Variants in CAPN13 observed in about 807,000 individuals in gnomAD.
CAPN13 encodes the protein calpain 13, also known as calpain-13.
A neutral mutation model predicts 98.4 loss-of-function variants in CAPN13; 90 were observed. The observed-to-expected ratio is 0.92, with a 90% CI of 0.77 to 1.09. CAPN13 has a LOEUF of 1.09. Among genes scored for constraint, CAPN13 ranks in the 50% least tolerant of loss-of-function variants. The probability of loss-of-function intolerance (pLI) is 0.00; values close to 1 mark genes in which losing one functional copy is unlikely to be tolerated. For missense variants in CAPN13, 887 were observed against 841.3 expected (o/e 1.05, Z -0.67); for synonymous variants, 330 against 305.5 (o/e 1.08, Z -0.84).
chr2:30,738,527 G>A (rs78810531), intron 15 of CAPN13, 70 bp from the exon 16 acceptor site: 106,933 of 1,469,788 alleles, frequency 0.073, 4,969 homozygotes, highest in African/African-American at 0.22. Context: ...TCTGCCTGCC[G>A]TGTAAAAGCA....
chr2:30,754,578 G>A lies in CAPN13; in HGVS notation c.867-214C>T, dbSNP rs552616589. Among the ~76,000 whole-genome samples the A allele has an allele frequency of 2.6e-5, 4 of 152,226 alleles. No homozygotes were observed. In the East Asian group the frequency reaches 7.7e-4, roughly 29 times the overall value. On this transcript the variant is annotated intron_variant, in intron 8 of 22. Transcript: ENST00000295055. ...TGGTCTTCTTTCCTGAAGTCCAGAT[G>A]GATTTATGCTGTAGTTCACCCCACA... is the stretch of plus-strand genomic sequence containing the variant.
chr2:30,727,480 T>C (rs1357795579), intron 22 of CAPN13, among the ~76,000 whole-genome samples: 1 of 152,104 alleles, frequency 6.6e-6, no homozygotes, highest in Non-Finnish European at 1.5e-5. Context: ...AAAATATAAG[T>C]AACCCAGCTT....
At chr2:30,800,599 G>T (rs923738254) in intron 1 of CAPN13, among the ~76,000 whole-genome samples, 6 of 152,182 alleles carry the variant, frequency 3.9e-5, no homozygotes, top group Non-Finnish European at 8.8e-5. Flanking sequence ...GGTTGGTCTC[G>T]CACTTCTAAG....
intron 8 of CAPN13, among the ~76,000 whole-genome samples, chr2:30,756,729 C>T (rs1290408854): frequency 6.6e-6 from 1 of 151,864 alleles, no homozygotes; most frequent in Non-Finnish European, 1.5e-5. Context: ...TTGGAAAGGG[C>T]AAAGGATACA....
In CAPN13 at chr2:30,732,504, C is replaced by T. The variant is rs757975134; in HGVS notation, c.1861G>A (p.Asp621Asn). 9.9e-6 allele frequency: 16 copies of T among 1,612,408 alleles called. No homozygotes were observed. Among genetic ancestry groups the T allele is most frequent in the East Asian group, 6.7e-5 (3 of 44,826 alleles). Residue 621 changes from aspartate (D) to asparagine (N), a missense_variant, in exon 20 of 23, where the codon GAC becomes AAC. Physicochemically the swap from Asp to Asn is conservative, Grantham distance 23 (BLOSUM62 1). Transcript: ENST00000295055. The part of the protein sequence containing the change: ...LLHLVTLRYS[D>N]SVGRVSFPSL... ...GGGAAGCTGACCCTGCCGACGCTGT[C>T]GCTGTACCTGAGGGTCACCAGATGC...
chr2:30,724,820 G>T (rs921641367), intron 22 of CAPN13, among the ~76,000 whole-genome samples: 1 of 152,032 alleles, frequency 6.6e-6, no homozygotes, highest in South Asian at 2.1e-4. Context: ...ATCTAGCCAG[G>T]TCTCTCGAAA....
intron 1 of CAPN13, among the ~76,000 whole-genome samples, chr2:30,802,229 G>T (rs555399802): frequency 2.0e-5 from 3 of 152,140 alleles, no homozygotes; most frequent in Middle Eastern, 3.4e-3. Flanking sequence ...GACTAAGGGA[G>T]CCATTCCCTT....
intron 5 of CAPN13, among the ~76,000 whole-genome samples, chr2:30,766,168 AG>A (rs1205403188): frequency 6.6e-6 from 1 of 152,244 alleles, no homozygotes; most frequent in African/African-American, 2.4e-5. Context: ...TGATACGCTC[AG>A]GGCGCCTTTC....
chr2:30,738,532 A>G, intron 15 of CAPN13, 75 bp from the exon 16 acceptor site: 2 of 1,464,644 alleles, frequency 1.4e-6, no homozygotes, highest in Non-Finnish European at 1.9e-6. Flanking sequence ...CTGCCGTGTA[A>G]AAGCACTCAG....
At chr2:30,730,583 T>C in intron 22 of CAPN13, 147 bp downstream of exon 22, 1 of 558,358 alleles carries the variant, frequency 1.8e-6, no homozygotes, top group Non-Finnish European at 3.2e-6. Flanking sequence ...TCAAGGGCCT[T>C]GAGCAGCTAA....
Position 30,754,306 on chromosome 2 carries a change from C to T in CAPN13, c.925G>A (p.Glu309Lys). Residue 309 changes from glutamate to lysine, a missense_variant, in exon 9 of 23, where the codon GAA (glutamate) becomes AAA (lysine). Transcript: ENST00000295055. ...PRKSQLHKKREDGEFWMSCQD... is the reference protein window; with the variant it reads ...PRKSQLHKKRKDGEFWMSCQD... Reference sequence around the variant, plus strand: ...GGTAAATACCAAAACTCGCCATCTTCCCGTTTCTTATGTAGCTGGCTTTTC... The same window carrying T: ...GGTAAATACCAAAACTCGCCATCTTTCCGTTTCTTATGTAGCTGGCTTTTC... 6.2e-7 allele frequency: 1 copy of T among 1,607,150 alleles called. No individual in the cohort carries two copies. Among genetic ancestry groups the T allele is most frequent in the Non-Finnish European group, 8.5e-7 (1 of 1,177,120 alleles).
intron 15 of CAPN13, among the ~76,000 whole-genome samples, chr2:30,740,886 T>A (rs1671618082): frequency 6.6e-6 from 1 of 152,206 alleles, no homozygotes. Context: ...GGGGCTAACC[T>A]TCATTCACTC....
rs145578840 is a variant in CAPN13, at chr2:30,745,873, A to G, written c.1237-139T>C. ...TCCTCTCTTTTAAAGAATTTATTTT[A>G]TATCTGTTATGCCATAAAGCATTTT... is the stretch of plus-strand genomic sequence containing the variant. On this transcript the variant is annotated intron_variant, in intron 11 of 22. Coordinates refer to ENST00000295055, the MANE Select transcript of CAPN13 (RefSeq NM_144575.3). 1.0e-3 allele frequency: 486 copies of G among 470,036 alleles called. 4 individuals are homozygous for G. Among genetic ancestry groups the G allele is most frequent in the African/African-American group, 9.6e-3 (420 of 43,676 alleles). The allele number at this position is 470,036 out of a possible 1,614,324, so 29.1% of individuals were successfully genotyped here. A position where few individuals can be genotyped will look rare whatever the true frequency, so the allele number is the denominator to read the frequency against.
intron 1 of CAPN13, among the ~76,000 whole-genome samples, chr2:30,801,176 A>C (rs1675247377): frequency 6.6e-6 from 1 of 152,262 alleles, no homozygotes; most frequent in East Asian, 1.9e-4. Context: ...TGAACCGCAG[A>C]AGGCTAGGTT....
intron 2 of CAPN13, among the ~76,000 whole-genome samples, chr2:30,779,723 C>T (rs1673891785): frequency 6.6e-6 from 1 of 151,584 alleles, no homozygotes; most frequent in Non-Finnish European, 1.5e-5. Context: ...AAGAAAAAGA[C>T]AAAAAGAGCC....
intron 5 of CAPN13, among the ~76,000 whole-genome samples, chr2:30,768,823 A>G (rs929531858): frequency 2.0e-5 from 3 of 152,102 alleles, no homozygotes; most frequent in Admixed American, 2.0e-4. Flanking sequence ...CAGAGTTTCC[A>G]TTTCCATAAA....
intron 1 of CAPN13, among the ~76,000 whole-genome samples, chr2:30,799,856 G>A (rs546179844): frequency 2.6e-5 from 4 of 152,194 alleles, no homozygotes; most frequent in East Asian, 1.9e-4. Context: ...GGCGGATCAC[G>A]AGGTCAGGAG....
chr2:30,790,661 C>G (rs978337023), intron 1 of CAPN13, among the ~76,000 whole-genome samples: 1 of 152,132 alleles, frequency 6.6e-6, no homozygotes, highest in Admixed American at 6.5e-5. Context: ...TACCACCAAC[C>G]GAGGGGCTTA....
chr2:30,751,412 G>A (rs1437413990), intron 10 of CAPN13, among the ~76,000 whole-genome samples, 161 bp from the exon 11 acceptor site: 1 of 152,222 alleles, frequency 6.6e-6, no homozygotes, highest in Admixed American at 6.5e-5. Context: ...TGAGAAACAA[G>A]TTAATTTTCT....
Sources: allele counts gnomAD v4.1 joint callset (sites outside exome capture counted in the v4.1 genomes callset), GRCh38; gene constraint gnomAD v4.1.1; transcripts MANE v1.5; gene names NCBI Gene and HGNC (gene_info 2026-07-23, HGNC 2026-07-21).